Variants in NR1I2 observed in about 807,000 individuals in gnomAD.
NR1I2 encodes nuclear receptor subfamily 1 group I member 2.
In NR1I2, 42 loss-of-function variants were observed where a neutral mutation model predicts 43.3. The observed-to-expected ratio is 0.97, with a 90% CI of 0.76 to 1.26. The LOEUF (loss-of-function observed/expected upper bound fraction) is 1.26. NR1I2 is among the 50% of genes most tolerant of loss of function. NR1I2 has a pLI of 0.00. For missense variants in NR1I2, 559 were observed against 566.7 expected, an observed-to-expected ratio of 0.99 and a Z score of 0.14; for synonymous variants, 229 against 215.0, an observed-to-expected ratio of 1.06 and a Z score of -0.57.
intron 7 of NR1I2, 97 bp downstream of exon 7, chr3:119,815,536 G>GCAGC: frequency 8.6e-7 from 1 of 1,158,190 alleles, no homozygotes; most frequent in Admixed American, 1.7e-5. Context: ...CATTCACTGC[G>GCAGC]CAGCCAGGAT....
chr3:119,803,961 T>C (rs1350054167), intron 1 of NR1I2, among the ~76,000 whole-genome samples: 1 of 152,114 alleles, frequency 6.6e-6, no homozygotes, highest in East Asian at 1.9e-4. Context: ...TTTCTCCACG[T>C]TGGCCAGGCT....
At chr3:119,801,777 G>T (rs1403817756) in intron 1 of NR1I2, among the ~76,000 whole-genome samples, 1 of 152,192 alleles carries the variant, frequency 6.6e-6, no homozygotes. Flanking sequence ...GTCACCTGGA[G>T]GCATAATTGG....
chr3:119,787,815 G>C lies in NR1I2; in HGVS notation c.-23+5515G>C, dbSNP rs145443530. Among the ~76,000 whole-genome samples the C allele has an allele frequency of 1.1e-4, 17 of 152,076 alleles. No homozygotes were observed. In the East Asian group the frequency reaches 3.3e-3, roughly 29 times the overall value. ...CACATAATTAAATATATGTAATCGT[G>C]TGTATGTATATGTATGTATACACAC... On this transcript the variant is annotated intron_variant, in intron 1 of 8. Coordinates refer to ENST00000393716, the MANE Select transcript of NR1I2 (RefSeq NM_003889.4).
chr3:119,809,894 T>G (rs1370932869), intron 2 of NR1I2, among the ~76,000 whole-genome samples, 167 bp from the exon 3 acceptor site: 1 of 152,010 alleles, frequency 6.6e-6, no homozygotes, highest in Non-Finnish European at 1.5e-5. Context: ...CTCTAGGGAC[T>G]CCCACCTACA....
intron 4 of NR1I2, 108 bp downstream of exon 4, chr3:119,811,834 G>A: frequency 9.7e-7 from 1 of 1,034,160 alleles, no homozygotes; most frequent in Non-Finnish European, 1.5e-6. Flanking sequence ...CAGCTAATCA[G>A]TGGTGGAGGG....
At chr3:119,813,007 T>G in intron 5 of NR1I2, 47 bp downstream of exon 5, 3 of 1,600,668 alleles carry the variant, frequency 1.9e-6, no homozygotes, top group Non-Finnish European at 2.6e-6. Flanking sequence ...GAACTGGAAG[T>G]GGCCAGGAGG....
At chr3:119,799,809 G>A (rs1295789956) in intron 1 of NR1I2, among the ~76,000 whole-genome samples, 2 of 151,982 alleles carry the variant, frequency 1.3e-5, no homozygotes, top group Non-Finnish European at 2.9e-5. Context: ...GTGAAACCCC[G>A]TCTCTACTAA....
chr3:119,792,989 G>A (rs114024129), intron 1 of NR1I2, among the ~76,000 whole-genome samples: 268 of 152,186 alleles, frequency 1.8e-3, no homozygotes, highest in African/African-American at 6.1e-3. Context: ...GGTACCCTCG[G>A]TAATGAGTGA....
At chr3:119,783,267 G>A (rs2054802245) in intron 1 of NR1I2, among the ~76,000 whole-genome samples, 1 of 152,208 alleles carries the variant, frequency 6.6e-6, no homozygotes, top group African/African-American at 2.4e-5. Context: ...TGGCTCACAG[G>A]CTAACTCTGG....
chr3:119,795,025 G>A (rs1455359922), intron 1 of NR1I2, among the ~76,000 whole-genome samples: 1 of 152,246 alleles, frequency 6.6e-6, no homozygotes, highest in East Asian at 1.9e-4. Context: ...CACGTAAGCT[G>A]ACTAAAGGGC....
At chr3:119,808,060 G>A (rs1277523066) in intron 2 of NR1I2, among the ~76,000 whole-genome samples, 2 of 152,218 alleles carry the variant, frequency 1.3e-5, no homozygotes, top group African/African-American at 2.4e-5. Flanking sequence ...ATGAACATTC[G>A]TGTTGCATGA....
In NR1I2 at chr3:119,817,608, A is replaced by C; in HGVS notation, c.*396A>C. 3 of 1,149,516 alleles carry C rather than the reference A, an allele frequency of 2.6e-6. No homozygotes were observed. The highest frequency in any genetic ancestry group is 4.0e-5 in the South Asian group (2 of 50,300). 71.2% of individuals were successfully genotyped at this position (1,149,516 alleles called of 1,614,324 possible). ...GGCCATCTGGGGTCTATGCCCACAT[A>C]CCCACGTTTGTTCGCTTCCTGAGTC... On this transcript the variant is annotated 3_prime_UTR_variant, in exon 9 of 9. Transcript: ENST00000393716.
intron 1 of NR1I2, among the ~76,000 whole-genome samples, chr3:119,798,002 T>C (rs2055023774): frequency 6.6e-6 from 1 of 152,204 alleles, no homozygotes; most frequent in Non-Finnish European, 1.5e-5. Context: ...TCTGGGTATT[T>C]GTAAGATTAG....
intron 1 of NR1I2, among the ~76,000 whole-genome samples, chr3:119,786,457 C>T (rs575068414): frequency 6.6e-6 from 1 of 152,304 alleles, no homozygotes; most frequent in African/African-American, 2.4e-5. Flanking sequence ...CATAAAGAGA[C>T]ATATCCAAAT....
chr3:119,793,057 T>C (rs2054944280), intron 1 of NR1I2, among the ~76,000 whole-genome samples: 1 of 152,078 alleles, frequency 6.6e-6, no homozygotes, highest in Non-Finnish European at 1.5e-5. Flanking sequence ...ACCTCCTCTC[T>C]CTCTTGCTCC....
intron 1 of NR1I2, among the ~76,000 whole-genome samples, chr3:119,798,587 C>G (rs2055031150): frequency 2.1e-5 from 3 of 145,578 alleles, no homozygotes; most frequent in Non-Finnish European, 4.5e-5. Flanking sequence ...TTGCAGTGAG[C>G]CAAGATCGCG....
At chr3:119,803,742 A>G (rs1285383423) in intron 1 of NR1I2, among the ~76,000 whole-genome samples, 1 of 151,782 alleles carries the variant, frequency 6.6e-6, no homozygotes, top group Non-Finnish European at 1.5e-5. Flanking sequence ...TACCTGCTGA[A>G]ACCATCTTTC....
intron 1 of NR1I2, among the ~76,000 whole-genome samples, chr3:119,788,037 C>T (rs143835146): frequency 6.6e-6 from 1 of 152,288 alleles, no homozygotes; most frequent in African/African-American, 2.4e-5. Flanking sequence ...CTAAATTTAT[C>T]TGTATGTCCT....
Position 119,807,393 on chromosome 3 carries a change from C to T in NR1I2, c.143C>T (p.Ala48Val). 1 of 1,614,162 alleles carries T rather than the reference C, an allele frequency of 6.2e-7. No individual in the cohort carries two copies. Among genetic ancestry groups the T allele is most frequent in the Non-Finnish European group, 8.5e-7 (1 of 1,180,036 alleles). ...ATCTGCCGTGTATGTGGGGACAAGG[C>T]CACTGGCTATCACTTCAATGTCATG... The change falls in exon 2 of 9, where the codon GCC becomes GTC. Residue 48 changes from alanine to valine, a missense_variant. This residue lies in a region of NR1I2 where 232 missense variants were observed against 236.6 expected (regional missense o/e 0.98). Transcript: ENST00000393716.
Sources: allele counts gnomAD v4.1 joint callset (sites outside exome capture counted in the v4.1 genomes callset), GRCh38; gene constraint gnomAD v4.1.1; regional missense constraint gnomAD v4.1.1; transcripts MANE v1.5; gene names NCBI Gene and HGNC (gene_info 2026-07-23, HGNC 2026-07-21).